Variants in PRKD1 observed in about 807,000 individuals in gnomAD.
PRKD1 encodes the protein serine/threonine-protein kinase D1.
In PRKD1, 63 loss-of-function variants were observed where a neutral mutation model predicts 95.9. The observed-to-expected ratio is 0.66, with a 90% confidence interval of 0.54 to 0.81. The LOEUF (loss-of-function observed/expected upper bound fraction) is 0.81, where lower values mean the gene tolerates loss of function less well. Ranked by LOEUF, PRKD1 falls within the 30% of genes least tolerant of loss-of-function variation. The probability of loss-of-function intolerance (pLI) is 0.00; values close to 1 mark genes in which losing one functional copy is unlikely to be tolerated. For missense variants in PRKD1, 1,048 were observed against 1,165.3 expected (o/e 0.90, Z 1.47); for synonymous variants, 425 against 423.1 (o/e 1.00, Z -0.05).
intron 16 of PRKD1, among the ~76,000 whole-genome samples, chr14:29,586,824 C>T (rs1304896771): frequency 1.3e-5 from 2 of 152,016 alleles, no homozygotes; most frequent in Non-Finnish European, 2.9e-5. Flanking sequence ...GGGGTTTCTC[C>T]ATGTTGGTCA....
intron 1 of PRKD1, among the ~76,000 whole-genome samples, chr14:29,750,616 G>GCGCGCGCACACA (rs72239992): frequency 6.4e-4 from 95 of 148,482 alleles, no homozygotes; most frequent in African/African-American, 9.2e-4. Flanking sequence ...ATGAACGCGC[G>GCGCGCGCACACA]CACACACACA....
At chr14:29,712,026 C>G (rs1027595882) in intron 2 of PRKD1, among the ~76,000 whole-genome samples, 2 of 152,084 alleles carry the variant, frequency 1.3e-5, no homozygotes, top group Admixed American at 1.3e-4. Context: ...TAGGATTAAG[C>G]AAAGCAATTG....
chr14:29,645,707 G>A (rs974262216), intron 4 of PRKD1, among the ~76,000 whole-genome samples: 1 of 151,302 alleles, frequency 6.6e-6, no homozygotes, highest in Non-Finnish European at 1.5e-5. Flanking sequence ...TTAGCCAGTA[G>A]AATCCTAGAC....
chr14:29,656,389 C>T, intron 4 of PRKD1: 5 of 1,327,166 alleles, frequency 3.8e-6, no homozygotes, highest in Non-Finnish European at 5.2e-6. Flanking sequence ...AAAGTCAGTA[C>T]AGACAATTGT....
In PRKD1 at chr14:29,789,982, T is replaced by A. The variant is rs143900060; in HGVS notation, c.265-64308A>T. Reference sequence around the variant, plus strand: ...ATTTCATAATAAAGATGCAAACTAGTTAGAAGCATTACCAAGCAAGTTGTC... The same window carrying A: ...ATTTCATAATAAAGATGCAAACTAGATAGAAGCATTACCAAGCAAGTTGTC... On this transcript the variant is annotated intron_variant, in intron 1 of 17. Transcript: ENST00000331968. Among the ~76,000 whole-genome samples the A allele has an allele frequency of 7.3e-5, 11 of 151,588 alleles. No homozygotes were observed. In the East Asian group the frequency reaches 2.1e-3, roughly 29 times the overall value.
chr14:29,661,688 G>A (rs185056139), intron 4 of PRKD1, among the ~76,000 whole-genome samples: 11 of 152,248 alleles, frequency 7.2e-5, no homozygotes, highest in Admixed American at 5.9e-4. Context: ...CTGAGAACCA[G>A]TGTGTCAAAT....
intron 1 of PRKD1, among the ~76,000 whole-genome samples, chr14:29,849,185 A>G (rs1024755404): frequency 1.3e-5 from 2 of 152,114 alleles, no homozygotes; most frequent in Admixed American, 6.6e-5. Flanking sequence ...CAGAGTCCTC[A>G]TGAGATCTGC....
chr14:29,786,679 T>C (rs1486399685), intron 1 of PRKD1, among the ~76,000 whole-genome samples: 1 of 152,156 alleles, frequency 6.6e-6, no homozygotes, highest in Non-Finnish European at 1.5e-5. Context: ...TGGTATCAGC[T>C]GTAATGTTCC....
intron 13 of PRKD1, among the ~76,000 whole-genome samples, chr14:29,609,079 A>T (rs1194653182): frequency 6.6e-6 from 1 of 152,224 alleles, no homozygotes; most frequent in East Asian, 1.9e-4. Context: ...ATGATCAAAT[A>T]TAACTCACTG....
At position 29,638,755 on chromosome 14, in the gene PRKD1, T is replaced by C. The variant is rs749964144; in HGVS notation, c.846A>G (p.Thr282=). 2 of 1,614,100 alleles carry C rather than the reference T, an allele frequency of 1.2e-6. No individual in the cohort carries two copies. The highest frequency in any genetic ancestry group is 4.5e-5 in the East Asian group (2 of 44,856). ...TFVIHSYTRP[T]VCQYCKKLLK... ...GAAGCTTCTTGCAGTACTGGCACAC[T>C]GTGGGCCGGGTGTAGGAGTGGATGA... The change falls in exon 5 of 18, where the codon ACA becomes ACG. Residue 282 remains threonine (T), a synonymous_variant. Transcript: ENST00000331968.
intron 1 of PRKD1, among the ~76,000 whole-genome samples, chr14:29,847,702 A>G (rs1374053661): frequency 6.6e-6 from 1 of 152,198 alleles, no homozygotes; most frequent in Non-Finnish European, 1.5e-5. Flanking sequence ...CCCGTTTAAG[A>G]TTCATGCTTC....
chr14:29,632,777 TTTG>T, intron 9 of PRKD1, 89 bp downstream of exon 9: 1 of 1,170,974 alleles, frequency 8.5e-7, no homozygotes. Flanking sequence ...AATAGCCACG[TTTG>T]TTGGATGTAT....
intron 1 of PRKD1, among the ~76,000 whole-genome samples, chr14:29,916,677 G>A (rs1348974613): frequency 6.6e-6 from 1 of 152,170 alleles, no homozygotes; most frequent in Non-Finnish European, 1.5e-5. Context: ...TAGAGACACA[G>A]ACCAAGCCTT....
intron 2 of PRKD1, among the ~76,000 whole-genome samples, chr14:29,677,615 A>C (rs1883307237): frequency 2.0e-5 from 3 of 152,204 alleles, no homozygotes; most frequent in Admixed American, 2.0e-4. Flanking sequence ...TCCCTCTGTC[A>C]CCCAGGCTGG....
intron 1 of PRKD1, among the ~76,000 whole-genome samples, chr14:29,882,387 G>GC (rs1893544085): frequency 6.6e-6 from 1 of 152,090 alleles, no homozygotes; most frequent in African/African-American, 2.4e-5. Flanking sequence ...TATGTTAAAG[G>GC]CCCAAAGACT....
intron 2 of PRKD1, among the ~76,000 whole-genome samples, chr14:29,681,983 T>C: frequency 6.6e-6 from 1 of 152,208 alleles, no homozygotes; most frequent in South Asian, 2.1e-4. Flanking sequence ...AATTCTCAAT[T>C]ACACTACCAA....
chr14:29,762,057 C>T (rs1771382092), intron 1 of PRKD1, among the ~76,000 whole-genome samples: 1 of 152,072 alleles, frequency 6.6e-6, no homozygotes, highest in African/African-American at 2.4e-5. Context: ...TAGGTGTGAG[C>T]CACTCACTGC....
At position 29,593,338 on chromosome 14, in the gene PRKD1, T is replaced by C. The variant is rs535776308; in HGVS notation, c.2434+4153A>G. On this transcript the variant is annotated intron_variant, in intron 16 of 17. Coordinates refer to ENST00000331968, the MANE Select transcript of PRKD1 (RefSeq NM_002742.3). Reference sequence around the variant, plus strand: ...CATACCTTATTTTGCACACAAAACATCTATTTTTATAAAGGACATCTGTTA... The same window carrying C: ...CATACCTTATTTTGCACACAAAACACCTATTTTTATAAAGGACATCTGTTA... 5.5e-4 allele frequency among the ~76,000 whole-genome samples: 84 copies of C among 152,324 alleles called. 1 individual carries two copies. The highest frequency in any genetic ancestry group is 1.8e-3 in the African/African-American group (76 of 41,578).
intron 1 of PRKD1, among the ~76,000 whole-genome samples, chr14:29,770,930 C>CAAAAAAAAAAA (rs753745571): frequency 2.1e-5 from 1 of 47,160 alleles, no homozygotes; most frequent in African/African-American, 6.0e-5. Context: ...AGACACTGTC[C>CAAAAAAAAAAA]AAAAAAAAAA....
Sources: gnomAD v4.1 joint callset for allele counts (sites outside exome capture counted in the v4.1 genomes callset) on GRCh38, gnomAD v4.1.1 for gene constraint, MANE v1.5 for transcripts, NCBI Gene and HGNC (gene_info 2026-07-23, HGNC 2026-07-21) for gene names.